The following NWD1 variants were observed in gnomAD, a reference collection of about 807,000 sequenced individuals.
NWD1 encodes NACHT and WD repeat domain containing 1.
Under a neutral mutation model 135.1 loss-of-function variants are expected in NWD1, and 129 were observed. The observed-to-expected ratio is 0.96, with a 90% CI of 0.83 to 1.11. The LOEUF (loss-of-function observed/expected upper bound fraction) is 1.11, where lower values mean the gene tolerates loss of function less well. Among genes scored for constraint, NWD1 ranks in the 50% least tolerant of loss-of-function variants. The pLI, the probability that NWD1 is intolerant of heterozygous loss-of-function variation, is 0.00. For synonymous variants in NWD1, 773 were observed against 786.0 expected (o/e 0.98, Z 0.28); for missense variants, 1,740 against 1,851.3 (o/e 0.94, Z 1.10).
intron 1 of NWD1, 27 bp downstream of exon 1, chr19:16,720,320 A>C (rs1228486232): frequency 6.7e-6 from 1 of 149,550 alleles, no homozygotes; most frequent in Non-Finnish European, 1.5e-5. Context: ...AAATTAAAAT[A>C]AGGCGATGGC....
At chr19:16,781,278 A>G (rs1341714638) in intron 12 of NWD1, among the ~76,000 whole-genome samples, 1 of 152,142 alleles carries the variant, frequency 6.6e-6, no homozygotes, top group African/African-American at 2.4e-5. Flanking sequence ...AGAGTTCATA[A>G]CTAGCTACCT....
Position 16,732,677 on chromosome 19 carries a change from T to TAAAAAAAAAAAA in NWD1, c.81+1399_81+1400insAAAAAAAAAAAA, listed in dbSNP as rs1464805489. On this transcript the variant is annotated intron_variant, in intron 3 of 18. Coordinates refer to ENST00000524140, the MANE Select transcript of NWD1 (RefSeq NM_001007525.5). ...CTCAAAAAAAAAAAAAAAGAAAAAGTGAAAAAGTGCAGTGGTGTGATCTCA... is the reference window on the plus strand; with the variant it reads ...CTCAAAAAAAAAAAAAAAGAAAAAGTAAAAAAAAAAAAGAAAAAGTGCAGTGGTGTGATCTCA... 1.7e-3 allele frequency among the ~76,000 whole-genome samples: 146 copies of TAAAAAAAAAAAA among 85,086 alleles called. 15 individuals carry two copies. Among genetic ancestry groups the TAAAAAAAAAAAA allele is most frequent in the African/African-American group, 3.3e-3 (54 of 16,134 alleles). The allele number at this position is 85,086 out of a possible 152,430, so 55.8% of individuals were successfully genotyped here.
At chr19:16,800,184 T>A in intron 17 of NWD1, 22 bp downstream of exon 17, 1 of 1,579,288 alleles carries the variant, frequency 6.3e-7, no homozygotes, top group Middle Eastern at 1.7e-4. Context: ...ATAAGTATGG[T>A]CATTTTTGTG....
At position 16,808,539 on chromosome 19, in the gene NWD1, C is replaced by G. The variant is rs900945494; in HGVS notation, c.4287+403C>G. Among the ~76,000 whole-genome samples the G allele has an allele frequency of 4.7e-5, 7 of 149,154 alleles. No homozygotes were observed. The East Asian group carries it at 1.4e-3, about 29-fold the overall frequency. Reference sequence around the variant, plus strand: ...CACTCCAGCCTGACTACAGACACTCCGTTTAAAAAAAAAAGAAAAGAAAAG... The same window carrying G: ...CACTCCAGCCTGACTACAGACACTCGGTTTAAAAAAAAAAGAAAAGAAAAG... On this transcript the variant is annotated intron_variant, in intron 18 of 18. Transcript: ENST00000524140.
chr19:16,763,704 T>A, intron 8 of NWD1, 124 bp from the exon 9 acceptor site: 1 of 683,266 alleles, frequency 1.5e-6, no homozygotes, highest in Non-Finnish European at 2.7e-6. Flanking sequence ...GGGGTATGTC[T>A]GTCTTCCATT....
At chr19:16,772,061 C>A (rs913232162) in intron 10 of NWD1, among the ~76,000 whole-genome samples, 1 of 152,058 alleles carries the variant, frequency 6.6e-6, no homozygotes, top group Non-Finnish European at 1.5e-5. Context: ...CTCCTCTGAT[C>A]CTACTTTTAT....
At chr19:16,739,203 GA>G (rs1967979762) in intron 4 of NWD1, among the ~76,000 whole-genome samples, 1 of 149,066 alleles carries the variant, frequency 6.7e-6, no homozygotes, top group Non-Finnish European at 1.5e-5. Flanking sequence ...AAAAAAAAAG[GA>G]GAGAGAGGCT....
intron 6 of NWD1, among the ~76,000 whole-genome samples, chr19:16,756,863 C>G (rs866867686): frequency 6.6e-6 from 1 of 152,140 alleles, no homozygotes; most frequent in Non-Finnish European, 1.5e-5. Context: ...CGAGCTCCCC[C>G]TCTTGTCAGG....
Position 16,736,751 on chromosome 19 carries a change from G to C in NWD1, c.198+1G>C, listed in dbSNP as rs1479916098. On this transcript the variant is annotated splice_donor_variant, in intron 4 of 18. Transcript: ENST00000524140. LOFTEE classifies it high-confidence loss of function. ...AACATCCATAGGGCCAGCTTTTGTTGTGAGTGTCTTGGGAGGAATGGGTTA... is the reference window on the plus strand; with the variant it reads ...AACATCCATAGGGCCAGCTTTTGTTCTGAGTGTCTTGGGAGGAATGGGTTA... The C allele has an allele frequency of 8.6e-6, 13 of 1,510,184 alleles. No homozygotes were observed. The Admixed American group carries it at 2.6e-4, about 30-fold the overall frequency. 93.5% of individuals were successfully genotyped at this position (1,510,184 alleles called of 1,614,324 possible). A position where few individuals can be genotyped will look rare whatever the true frequency, so the allele number is the denominator to read the frequency against.
At position 16,749,809 on chromosome 19, in the gene NWD1, CT is replaced by C. The variant is rs770666983; in HGVS notation, c.1168del (p.Cys390AlafsTer103). ...SDARGLLKSI[C>X]FQVCLAYGLP... ...ATGCCCGTGGCCTGCTGAAGAGCAT[CT>C]GCTTCCAGGTGTGCCTGGCCTATGG... On this transcript the variant is annotated frameshift_variant, in exon 6 of 19. Transcript: ENST00000524140. LOFTEE classifies it high-confidence loss of function. The C allele has an allele frequency of 6.2e-7, 1 of 1,606,730 alleles. No homozygotes were observed. Among genetic ancestry groups the C allele is most frequent in the Non-Finnish European group, 8.5e-7 (1 of 1,176,042 alleles).
chr19:16,776,562 C>A (rs566114556), intron 11 of NWD1, among the ~76,000 whole-genome samples: 2 of 139,516 alleles, frequency 1.4e-5, no homozygotes, highest in African/African-American at 5.6e-5. Flanking sequence ...AGTAAAACTC[C>A]GTCTCACAAA....
intron 10 of NWD1, among the ~76,000 whole-genome samples, chr19:16,765,738 G>T (rs891824086): frequency 2.6e-5 from 4 of 152,126 alleles, no homozygotes; most frequent in Non-Finnish European, 5.9e-5. Context: ...GCCAGGTAGG[G>T]CTGGGCGCAG....
At chr19:16,787,222 G>A (rs1373368083) in intron 12 of NWD1, among the ~76,000 whole-genome samples, 6 of 152,142 alleles carry the variant, frequency 3.9e-5, no homozygotes, top group South Asian at 4.2e-4. Context: ...AACCTCCTGC[G>A]CTCAAATGAT....
rs76356534 is a variant in NWD1, at chr19:16,755,314, C to T, written c.1770-3911C>T. 1.5e-3 allele frequency among the ~76,000 whole-genome samples: 224 copies of T among 152,228 alleles called. 9 individuals carry two copies. In the East Asian group the frequency reaches 0.039, roughly 27 times the overall value. ...CGCCGCAGTCTTGACTTCTTGGGCT[C>T]AAGCGATCCTCCCATCTCAGCCCCC... On this transcript the variant is annotated intron_variant, in intron 6 of 18. Coordinates refer to ENST00000524140, the MANE Select transcript of NWD1 (RefSeq NM_001007525.5).
intron 7 of NWD1, among the ~76,000 whole-genome samples, chr19:16,761,358 T>C (rs1477440284): frequency 6.6e-6 from 1 of 151,140 alleles, no homozygotes; most frequent in Non-Finnish European, 1.5e-5. Flanking sequence ...TTCTCTTTCT[T>C]TCTTTCTTTC....
At chr19:16,771,564 T>C (rs1969412213) in intron 10 of NWD1, among the ~76,000 whole-genome samples, 1 of 152,206 alleles carries the variant, frequency 6.6e-6, no homozygotes, top group African/African-American at 2.4e-5. Flanking sequence ...TTGTAAACCT[T>C]GATGGAGCAA....
chr19:16,729,394 G>A (rs998211332), intron 2 of NWD1, among the ~76,000 whole-genome samples: 1 of 151,836 alleles, frequency 6.6e-6, no homozygotes, highest in Non-Finnish European at 1.5e-5. Context: ...TCACTCTCAC[G>A]GTTCCCTCTT....
chr19:16,742,958 G>A (rs1968147965), intron 4 of NWD1, among the ~76,000 whole-genome samples: 1 of 150,816 alleles, frequency 6.6e-6, no homozygotes, highest in African/African-American at 2.4e-5. Context: ...TGTCGCCCAG[G>A]CTGGAGTGTA....
rs1970503670 is a variant in NWD1, at chr19:16,798,818, G to C, written c.3459+932G>C. On this transcript the variant is annotated intron_variant, in intron 16 of 18. Transcript: ENST00000524140. The stretch of plus-strand genomic sequence containing the variant: ...ATTTTTGTATTTTTAGTAGAGACGG[G>C]GTTCCGCCATGTTGGCCAGGCTGGT... 2.6e-5 allele frequency among the ~76,000 whole-genome samples: 4 copies of C among 151,990 alleles called. 1 individual carries two copies. Among genetic ancestry groups the C allele is most frequent in the Admixed American group, 2.6e-4 (4 of 15,236 alleles).
Sources: gnomAD v4.1 joint callset for allele counts (sites outside exome capture counted in the v4.1 genomes callset) on GRCh38, gnomAD v4.1.1 for gene constraint, MANE v1.5 for transcripts, NCBI Gene and HGNC (gene_info 2026-07-23, HGNC 2026-07-21) for gene names.